ABCB5: variants seen among roughly 807,000 people sequenced by gnomAD.
The protein encoded by ABCB5 is ATP-binding cassette sub-family B member 5.
A neutral mutation model predicts 144.2 loss-of-function variants in ABCB5; 155 were observed. That is an observed-to-expected ratio of 1.08 (90% CI 0.94 to 1.23). ABCB5 has a LOEUF of 1.23. Ranked by LOEUF, ABCB5 falls within the 50% of genes most tolerant of loss-of-function variation. The pLI, the probability that ABCB5 is intolerant of heterozygous loss-of-function variation, is 0.00. For synonymous variants in ABCB5, 610 were observed against 528.6 expected (o/e 1.15, Z -2.11); for missense variants, 1,830 against 1,520.8 (o/e 1.20, Z -3.38).
chr7:20,650,006 C>A lies in ABCB5; in HGVS notation c.1207-16C>A, dbSNP rs1380701280. 1.2e-6 allele frequency: 2 copies of A among 1,604,390 alleles called. No homozygotes were observed. Among genetic ancestry groups the A allele is most frequent in the Non-Finnish European group, 1.7e-6 (2 of 1,174,988 alleles). On this transcript the variant is annotated splice_polypyrimidine_tract_variant and intron_variant, in intron 11 of 27. Transcript: ENST00000404938. ...TTATTGTGGTTTTATGATTTTCCCTCCATACATTCCAATAGATTCTGAAAG... is the reference window on the plus strand; with the variant it reads ...TTATTGTGGTTTTATGATTTTCCCTACATACATTCCAATAGATTCTGAAAG...
chr7:20,626,968 A>G (rs1783923490), intron 3 of ABCB5, among the ~76,000 whole-genome samples: 1 of 151,872 alleles, frequency 6.6e-6, no homozygotes, highest in South Asian at 2.1e-4. Context: ...CTATGTTTAC[A>G]TTTCAGTATA....
intron 16 of ABCB5, among the ~76,000 whole-genome samples, chr7:20,691,168 CTTTTTTTTTTTTTTTTTTTT>C (rs58696871): frequency 2.2e-5 from 1 of 46,080 alleles, no homozygotes; most frequent in African/African-American, 6.7e-5. Flanking sequence ...ACCCAGTGGA[CTTTTTTTTTTTTTTTTTTTT>C]TTTTTTTTTT....
intron 14 of ABCB5, among the ~76,000 whole-genome samples, chr7:20,670,121 C>T (rs1402562499): frequency 6.6e-6 from 1 of 152,056 alleles, no homozygotes; most frequent in East Asian, 1.9e-4. Context: ...CTGTAACAGC[C>T]AAGAGGAGCC....
chr7:20,731,369 A>AAAAAAAAAAAATATATATAT (rs57305244), intron 23 of ABCB5, among the ~76,000 whole-genome samples: 14 of 123,066 alleles, frequency 1.1e-4, no homozygotes, highest in African/African-American at 4.6e-4. Context: ...AAAAAAAAAA[A>AAAAAAAAAAAATATATATAT]ATATATATAT....
At chr7:20,677,882 A>G (rs1052273833) in intron 14 of ABCB5, among the ~76,000 whole-genome samples, 11 of 152,328 alleles carry the variant, frequency 7.2e-5, no homozygotes, top group African/African-American at 2.6e-4. Context: ...GTCAATGATC[A>G]AGACCAGCTA....
intron 14 of ABCB5, among the ~76,000 whole-genome samples, chr7:20,673,019 G>T (rs1334008868): frequency 3.3e-5 from 5 of 151,380 alleles, no homozygotes; most frequent in African/African-American, 1.2e-4. Context: ...TGTTTCTTAA[G>T]TTACATATGA....
rs1460608774 is a variant in ABCB5 at position 20,678,685 on chromosome 7, AGGAAG to A, written c.1708-2819_1708-2815del. 7.9e-5 allele frequency among the ~76,000 whole-genome samples: 12 copies of A among 152,346 alleles called. 1 individual carries two copies. Among genetic ancestry groups the A allele is most frequent in the African/African-American group, 2.9e-4 (12 of 41,578 alleles). On this transcript the variant is annotated intron_variant, in intron 14 of 27. Transcript: ENST00000404938. Reference sequence around the variant, plus strand: ...AAGAATAGTCCACAAAATCTTTCAGAGGAAGAATAAGCTTGAAGAGGTAAACTAAT... The same window carrying A: ...AAGAATAGTCCACAAAATCTTTCAGAAATAAGCTTGAAGAGGTAAACTAAT...
At chr7:20,738,046 T>C (rs947777193) in intron 23 of ABCB5, among the ~76,000 whole-genome samples, 3 of 152,316 alleles carry the variant, frequency 2.0e-5, no homozygotes, top group Non-Finnish European at 1.5e-5. Flanking sequence ...ATAGGCCCCA[T>C]TGAGGGAGAA....
At chr7:20,659,243 T>G in intron 14 of ABCB5, 5 of 1,541,234 alleles carry the variant, frequency 3.2e-6, no homozygotes, top group Non-Finnish European at 4.4e-6. Flanking sequence ...CAAATTACAC[T>G]GAATCTAGGA....
chr7:20,691,270 C>T (rs1007868094), intron 16 of ABCB5, among the ~76,000 whole-genome samples: 3 of 148,922 alleles, frequency 2.0e-5, no homozygotes, highest in African/African-American at 2.5e-5. Context: ...CCGCAAACTC[C>T]GCCTCCCGAA....
intron 27 of ABCB5, among the ~76,000 whole-genome samples, chr7:20,755,149 A>G (rs921560453): frequency 6.6e-6 from 1 of 152,150 alleles, no homozygotes; most frequent in African/African-American, 2.4e-5. Flanking sequence ...GGATTTCTCC[A>G]TGTTGATCAG....
chr7:20,732,004 GAT>G (rs1302803669), intron 23 of ABCB5, among the ~76,000 whole-genome samples: 3 of 152,126 alleles, frequency 2.0e-5, no homozygotes, highest in Non-Finnish European at 4.4e-5. Context: ...GCAAGATCTA[GAT>G]CTTCCCACTG....
At chr7:20,706,073 G>T (rs746712364) in intron 20 of ABCB5, among the ~76,000 whole-genome samples, 4 of 152,094 alleles carry the variant, frequency 2.6e-5, no homozygotes, top group Non-Finnish European at 4.4e-5. Flanking sequence ...TAGGGCTGAG[G>T]AGTTCAATTT....
intron 4 of ABCB5, among the ~76,000 whole-genome samples, chr7:20,629,410 G>C (rs1278840845): frequency 2.0e-5 from 3 of 152,142 alleles, no homozygotes; most frequent in Non-Finnish European, 4.4e-5. Flanking sequence ...GATTACATCA[G>C]GATTTAATCA....
chr7:20,665,633 G>C (rs1451194851), intron 14 of ABCB5, among the ~76,000 whole-genome samples: 1 of 151,946 alleles, frequency 6.6e-6, no homozygotes, highest in Non-Finnish European at 1.5e-5. Context: ...GTGGGGAAGT[G>C]AGGTGGACAA....
chr7:20,739,116 C>G lies in ABCB5; in HGVS notation c.3001C>G (p.Arg1001Gly). The G allele has an allele frequency of 6.2e-7, 1 of 1,605,164 alleles. No individual in the cohort carries two copies. The highest frequency in any genetic ancestry group is 2.2e-5 in the East Asian group (1 of 44,624). Residue 1001 changes from arginine to glycine, a missense_variant, in exon 24 of 28, where the codon CGC (arginine) becomes GGC (glycine). Arg to Gly is a moderately radical substitution (Grantham distance 125, BLOSUM62 -2). Transcript: ENST00000404938. Reference sequence around the variant, plus strand: ...GGAAAAGAAACCAAATATAGACAGCCGCAGTCAAGAAGGGAAAAAGCCAGT... The same window carrying G: ...GGAAAAGAAACCAAATATAGACAGCGGCAGTCAAGAAGGGAAAAAGCCAGT... ...LLEKKPNIDS[R>G]SQEGKKPDTC... is the part of the protein sequence containing the mutation.
rs1477429166 is a variant in ABCB5 at position 20,643,590 on chromosome 7, C to T, written c.636C>T (p.Ser212=). The change falls in exon 7 of 28, where the codon TCC becomes TCT. Residue 212 remains serine, a synonymous_variant. Transcript: ENST00000404938. Reference sequence around the variant, plus strand: ...GGAAACTCACCCTAGTGACTCTATCCACGTCTCCTCTTATAATGGCTTCAG... The same window carrying T: ...GGAAACTCACCCTAGTGACTCTATCTACGTCTCCTCTTATAATGGCTTCAG... ...KGWKLTLVTL[S]TSPLIMASAA... is the part of the protein sequence containing the mutation. 6.2e-7 allele frequency: 1 copy of T among 1,613,926 alleles called. No homozygotes were observed. The highest frequency in any genetic ancestry group is 1.7e-5 in the Admixed American group (1 of 59,994).
intron 20 of ABCB5, among the ~76,000 whole-genome samples, chr7:20,717,145 C>A (rs1462218216): frequency 6.6e-6 from 1 of 152,168 alleles, no homozygotes; most frequent in Non-Finnish European, 1.5e-5. Flanking sequence ...TCCACAGCAT[C>A]TCACCGGTTG....
intron 13 of ABCB5, among the ~76,000 whole-genome samples, chr7:20,652,535 G>A (rs756001583): frequency 2.6e-5 from 4 of 152,074 alleles, no homozygotes; most frequent in Non-Finnish European, 5.9e-5. Flanking sequence ...GCACCACTGC[G>A]CTCCAACCTG....
Sources: gnomAD v4.1 joint callset for allele counts (sites outside exome capture counted in the v4.1 genomes callset) on GRCh38, gnomAD v4.1.1 for gene constraint, MANE v1.5 for transcripts, NCBI Gene and HGNC (gene_info 2026-07-23, HGNC 2026-07-21) for gene names.